Variants in ZNF564 observed in about 807,000 individuals in gnomAD.
ZNF564 encodes zinc finger protein 564.
A neutral mutation model predicts 10.5 loss-of-function variants in ZNF564; 5 were observed. The ratio of observed to expected loss-of-function variants is 0.48; its 90% CI spans 0.25 to 1.00. The LOEUF (loss-of-function observed/expected upper bound fraction) is 1.00. Among genes scored for constraint, ZNF564 ranks in the 50% least tolerant of loss-of-function variants. ZNF564 has a pLI of 0.16. For missense variants in ZNF564, 603 were observed against 669.7 expected (o/e 0.90, Z 1.10); for synonymous variants, 242 against 218.1 (o/e 1.11, Z -0.97).
chr19:12,529,605 CA>C (rs34144625), intron 1 of ZNF564, among the ~76,000 whole-genome samples: 7 of 147,128 alleles, frequency 4.8e-5, no homozygotes, highest in African/African-American at 1.5e-4. Context: ...GACTAAGTCT[CA>C]AAAAAAAAAA....
intron 3 of ZNF564, 66 bp downstream of exon 3, chr19:12,528,238 C>T (rs2021732323): frequency 2.1e-6 from 3 of 1,457,912 alleles, no homozygotes; most frequent in South Asian, 1.2e-5. Flanking sequence ...GGTTTGTTTA[C>T]TTATTTTTAA....
chr19:12,531,784 T>C (rs910175754), intron 1 of ZNF564, among the ~76,000 whole-genome samples: 1 of 151,902 alleles, frequency 6.6e-6, no homozygotes, highest in Admixed American at 6.6e-5. Context: ...CAAGGGCAAC[T>C]AATAGAAAAA....
intron 1 of ZNF564, among the ~76,000 whole-genome samples, chr19:12,543,061 G>A (rs1039825664): frequency 2.6e-5 from 4 of 152,174 alleles, no homozygotes; most frequent in African/African-American, 9.7e-5. Flanking sequence ...AGCATTTTGG[G>A]AGGCCAAGGC....
At position 12,539,968 on chromosome 19, in the gene ZNF564, G is replaced by A. The variant is rs182885756; in HGVS notation, c.4-11272C>T. Among the ~76,000 whole-genome samples, 29 of 149,418 alleles carry A rather than the reference G, an allele frequency of 1.9e-4. 1 individual carries two copies. Among genetic ancestry groups the A allele is most frequent in the East Asian group, 1.2e-3 (6 of 5,114 alleles). ...TGCACTCCAGCCTGGGTAACAGAACGAGACTCCGTCTCAAAAAAAAAAAAA... is the reference window on the plus strand; with the variant it reads ...TGCACTCCAGCCTGGGTAACAGAACAAGACTCCGTCTCAAAAAAAAAAAAA... On this transcript the variant is annotated intron_variant, in intron 1 of 3. Transcript: ENST00000339282.
intron 1 of ZNF564, among the ~76,000 whole-genome samples, chr19:12,540,389 C>T (rs1010247068): frequency 6.6e-6 from 1 of 152,124 alleles, no homozygotes; most frequent in Non-Finnish European, 1.5e-5. Context: ...CAGTGTACTC[C>T]GAATTTTGAG....
chr19:12,528,788 G>A (rs2021742642), intron 1 of ZNF564, 92 bp from the exon 2 acceptor site: 3 of 1,412,552 alleles, frequency 2.1e-6, no homozygotes, highest in Admixed American at 2.3e-5. Context: ...AAATGGCTAG[G>A]TGTGGTGGCT....
rs1432721409 is a variant in ZNF564, at chr19:12,525,884, G to T, written c.*562C>A. ...GTGAAGGGCAAAGCTAGCTCTCTAG[G>T]GATTCCTATCAGGAAACTAATCCCA... On this transcript the variant is annotated 3_prime_UTR_variant, in exon 4 of 4. Coordinates refer to ENST00000339282, the MANE Select transcript of ZNF564 (RefSeq NM_144976.4). 1 of 152,896 alleles carries T rather than the reference G, an allele frequency of 6.5e-6. No individual in the cohort carries two copies. Among genetic ancestry groups the T allele is most frequent in the Non-Finnish European group, 1.5e-5 (1 of 68,714 alleles). 9.5% of individuals were successfully genotyped at this position (152,896 alleles called of 1,614,324 possible).
chr19:12,541,473 C>T (rs1019523856), intron 1 of ZNF564: 1 of 151,494 alleles, frequency 6.6e-6, no homozygotes, highest in African/African-American at 2.4e-5. Flanking sequence ...TTGCTTGAAC[C>T]CAAGAGGCGG....
intron 1 of ZNF564, among the ~76,000 whole-genome samples, chr19:12,530,953 G>A (rs1315710290): frequency 6.6e-6 from 1 of 152,082 alleles, no homozygotes; most frequent in Non-Finnish European, 1.5e-5. Context: ...TTTTTGTAGA[G>A]ATGGGGTCTT....
At chr19:12,549,696 A>C (rs1049382480) in intron 1 of ZNF564, among the ~76,000 whole-genome samples, 1 of 152,132 alleles carries the variant, frequency 6.6e-6, no homozygotes, top group African/African-American at 2.4e-5. Context: ...TTTCAGAGGA[A>C]GGGGATACCG....
In ZNF564 at chr19:12,526,422, A is replaced by G; in HGVS notation, c.*24T>C. 6.5e-7 allele frequency: 1 copy of G among 1,537,900 alleles called. No homozygotes were observed. Among genetic ancestry groups the G allele is most frequent in the East Asian group, 2.3e-5 (1 of 44,338 alleles). Reference sequence around the variant, plus strand: ...GACTTTCCATATTCTTTAGATATGTAGATACTTGTAGACCTGTCCTCCACT... The same window carrying G: ...GACTTTCCATATTCTTTAGATATGTGGATACTTGTAGACCTGTCCTCCACT... On this transcript the variant is annotated 3_prime_UTR_variant, in exon 4 of 4. Coordinates refer to ENST00000339282, the MANE Select transcript of ZNF564 (RefSeq NM_144976.4).
chr19:12,530,568 G>A (rs2021781210), intron 1 of ZNF564, among the ~76,000 whole-genome samples: 1 of 152,138 alleles, frequency 6.6e-6, no homozygotes, highest in Admixed American at 6.6e-5. Context: ...CAATTTCTGA[G>A]GGATTTCATT....
intron 1 of ZNF564, among the ~76,000 whole-genome samples, chr19:12,540,488 G>C (rs1360664897): frequency 6.6e-6 from 1 of 152,154 alleles, no homozygotes; most frequent in Non-Finnish European, 1.5e-5. Flanking sequence ...GGGAGGCTGA[G>C]GCGGACAGAT....
intron 1 of ZNF564, among the ~76,000 whole-genome samples, chr19:12,535,494 CTT>C (rs1463830914): frequency 6.6e-6 from 1 of 152,100 alleles, no homozygotes; most frequent in African/African-American, 2.4e-5. Flanking sequence ...ATGAAAAAGT[CTT>C]TGGTTTTAAG....
chr19:12,543,333 GAGGGGA>G lies in ZNF564; in HGVS notation c.3+7991_3+7996del, dbSNP rs1006371038. Among the ~76,000 whole-genome samples the G allele has an allele frequency of 4.3e-3, 621 of 143,562 alleles. 1 individual carries two copies. Among genetic ancestry groups the G allele is most frequent in the African/African-American group, 9.7e-3 (382 of 39,322 alleles). The allele number at this position is 143,562 out of a possible 152,430, so 94.2% of individuals were successfully genotyped here. ...AAAAAAAAAAGAGAGAAGGGGAGGG[GAGGGGA>G]AGGGGAAGGGGAAGGGGAAGGGGAA... On this transcript the variant is annotated intron_variant, in intron 1 of 3. Coordinates refer to ENST00000339282, the MANE Select transcript of ZNF564 (RefSeq NM_144976.4).
At chr19:12,528,003 G>T (rs2021726005) in intron 3 of ZNF564, 87 bp from the exon 4 acceptor site, 1 of 1,416,286 alleles carries the variant, frequency 7.1e-7, no homozygotes, top group Non-Finnish European at 9.6e-7. Context: ...CATAATCGCG[G>T]AAAGGGTAAG....
chr19:12,547,496 C>T (rs1351668171), intron 1 of ZNF564, among the ~76,000 whole-genome samples: 1 of 152,144 alleles, frequency 6.6e-6, no homozygotes, highest in Non-Finnish European at 1.5e-5. Context: ...CTAGAAACAA[C>T]TCTCTCAAAT....
chr19:12,533,127 C>A (rs139315880), intron 1 of ZNF564, among the ~76,000 whole-genome samples: 1 of 152,188 alleles, frequency 6.6e-6, no homozygotes, highest in African/African-American at 2.4e-5. Context: ...ATAAAACACA[C>A]CTTAATATGA....
intron 1 of ZNF564, among the ~76,000 whole-genome samples, chr19:12,546,920 CCAATCCCTCCTTT>C (rs2022166692): frequency 6.6e-6 from 1 of 152,156 alleles, no homozygotes; most frequent in East Asian, 1.9e-4. Context: ...AAGCACCCAC[CCAATCCCTCCTTT>C]ATAAACCATC....
Sources: allele counts gnomAD v4.1 joint callset (sites outside exome capture counted in the v4.1 genomes callset), GRCh38; gene constraint gnomAD v4.1.1; transcripts MANE v1.5; gene names NCBI Gene and HGNC (gene_info 2026-07-23, HGNC 2026-07-21).